The following CAMKK1 variants were observed in gnomAD, a reference collection of about 807,000 sequenced individuals.
The protein encoded by CAMKK1 is calcium/calmodulin dependent protein kinase kinase 1.
In CAMKK1, 20 loss-of-function variants were observed where a neutral mutation model predicts 63.5. That is an observed-to-expected ratio of 0.32 (90% CI 0.22 to 0.46). The LOEUF (loss-of-function observed/expected upper bound fraction) is 0.46, where lower values mean the gene tolerates loss of function less well. Ranked by LOEUF, CAMKK1 falls within the 20% of genes least tolerant of loss-of-function variation. The pLI, the probability that CAMKK1 is intolerant of heterozygous loss-of-function variation, is 1.00. For synonymous variants in CAMKK1, 253 were observed against 269.0 expected, an observed-to-expected ratio of 0.94 and a Z score of 0.58; for missense variants, 588 against 658.1, an observed-to-expected ratio of 0.89 and a Z score of 1.17.
chr17:3,880,257 G>T, intron 9 of CAMKK1, 89 bp downstream of exon 9: 1 of 1,104,834 alleles, frequency 9.1e-7, no homozygotes, highest in Non-Finnish European at 1.3e-6. Flanking sequence ...CTGACTGACG[G>T]GAGCTGCTCA....
chr17:3,873,937 C>T (rs1483354324), intron 10 of CAMKK1, among the ~76,000 whole-genome samples: 1 of 152,192 alleles, frequency 6.6e-6, no homozygotes, highest in Non-Finnish European at 1.5e-5. Context: ...CCTCATCCAC[C>T]GCCACTGCAA....
chr17:3,883,621 C>T lies in CAMKK1; in HGVS notation c.463-141G>A, dbSNP rs562850532. On this transcript the variant is annotated intron_variant, in intron 4 of 15. Coordinates refer to ENST00000348335, the MANE Select transcript of CAMKK1 (RefSeq NM_032294.3). This position sits in a 1 kb window ranked among gnomAD's most constrained non-coding sequence, Gnocchi z 4.7. ...GGGTGTGGCCCAGGTAAGTGTTAAG[C>T]GGGGTTGGGGGTGGCCATATCTGAG... 51 of 817,300 alleles carry T rather than the reference C, an allele frequency of 6.2e-5. No homozygotes were observed. The East Asian group carries it at 9.8e-4, about 16-fold the overall frequency. 50.6% of individuals were successfully genotyped at this position (817,300 alleles called of 1,614,324 possible). A position where few individuals can be genotyped will look rare whatever the true frequency, so the allele number is the denominator to read the frequency against.
chr17:3,871,100 GCTGGA>G, intron 12 of CAMKK1, among the ~76,000 whole-genome samples: 1 of 152,280 alleles, frequency 6.6e-6, no homozygotes, highest in Non-Finnish European at 1.5e-5. Flanking sequence ...GAATGTGTTG[GCTGGA>G]CTGGAGGGAG....
chr17:3,885,446 C>T lies in CAMKK1; in HGVS notation c.242G>A (p.Gly81Glu), dbSNP rs1567635371. The T allele has an allele frequency of 6.2e-7, 1 of 1,613,362 alleles. No individual in the cohort carries two copies. Among genetic ancestry groups the T allele is most frequent in the Non-Finnish European group, 8.5e-7 (1 of 1,179,988 alleles). The change falls in exon 2 of 16, where the codon GGA (glycine) becomes GAA (glutamate). Residue 81 changes from glycine (G) to glutamate (E), a missense_variant. Gly to Glu is a moderately conservative substitution (Grantham distance 98). This residue lies in a region of CAMKK1 where 357 missense variants were observed against 407.4 expected (regional missense o/e 0.88). Coordinates refer to ENST00000348335, the MANE Select transcript of CAMKK1 (RefSeq NM_032294.3). ...CCCAGCCTGCGCCTCCAGATAGCTTCCTGCTGGCCGCTCCTGTAGGGAAAG... is the reference window on the plus strand; with the variant it reads ...CCCAGCCTGCGCCTCCAGATAGCTTTCTGCTGGCCGCTCCTGTAGGGAAAG... ...RKLSLQERPA[G>E]SYLEAQAGPY...
chr17:3,871,656 T>TCCATTTCACTCCTGAAA (rs2054890002), intron 12 of CAMKK1, among the ~76,000 whole-genome samples: 2 of 148,750 alleles, frequency 1.3e-5, no homozygotes, highest in Non-Finnish European at 3.0e-5. Context: ...GCACCCGGCC[T>TCCATTTCACTCCTGAAA]TATTCAGTTT....
In CAMKK1 at chr17:3,862,103, C is replaced by T; in HGVS notation, c.*108G>A. On this transcript the variant is annotated 3_prime_UTR_variant, in exon 16 of 16. Transcript: ENST00000348335. This position sits in a 1 kb window ranked among gnomAD's most constrained non-coding sequence, Gnocchi z 4.1. ...CGATGGGGGAGGGGCGGGAGTGGGGCTGCAGTCCCCAGCCCCCTGCCTGCG... is the reference window on the plus strand; with the variant it reads ...CGATGGGGGAGGGGCGGGAGTGGGGTTGCAGTCCCCAGCCCCCTGCCTGCG... The T allele has an allele frequency of 1.2e-6, 1 of 837,672 alleles. No homozygotes were observed. 51.9% of individuals were successfully genotyped at this position (837,672 alleles called of 1,614,324 possible).
rs979204942 is a variant in CAMKK1 at position 3,879,576 on chromosome 17, G to C, written c.796+770C>G. 1.5e-4 allele frequency: 23 copies of C among 152,648 alleles called. No individual in the cohort carries two copies. The highest frequency in any genetic ancestry group is 5.3e-4 in the African/African-American group (22 of 41,528). The allele number at this position is 152,648 out of a possible 1,614,324, so 9.5% of individuals were successfully genotyped here. ...CCTCCTCTGCCCACTGGAGGCTTCA[G>C]CCAGACTCCACTTCTCCCCAGACTC... is the stretch of plus-strand genomic sequence containing the variant. On this transcript the variant is annotated intron_variant, in intron 9 of 15. Coordinates refer to ENST00000348335, the MANE Select transcript of CAMKK1 (RefSeq NM_032294.3). This position sits in a 1 kb window ranked among gnomAD's most constrained non-coding sequence, Gnocchi z 4.5.
intron 1 of CAMKK1, among the ~76,000 whole-genome samples, chr17:3,886,912 A>G (rs1479963704): frequency 6.6e-6 from 1 of 152,072 alleles, no homozygotes; most frequent in African/African-American, 2.4e-5. Flanking sequence ...GCATGTTCTC[A>G]GGAGAAGGAA....
At position 3,883,120 on chromosome 17, in the gene CAMKK1, C is replaced by T. The variant is rs1227054619; in HGVS notation, c.570G>A (p.Leu190=). 1.2e-6 allele frequency: 2 copies of T among 1,613,324 alleles called. No homozygotes were observed. Among genetic ancestry groups the T allele is most frequent in the Admixed American group, 1.7e-5 (1 of 60,002 alleles). The stretch of plus-strand genomic sequence containing the variant: ...CCTGGTACACCCGCTCCAGGGGCAG[C>T]AGCTGCTTGGCTGGTCCTCCCTGGG... The part of the protein sequence containing the change: ...QAAQGGPAKQ[L]LPLERVYQEI... The change falls in exon 6 of 16, where the codon CTG becomes CTA. Residue 190 remains leucine, a synonymous_variant. Coordinates refer to ENST00000348335, the MANE Select transcript of CAMKK1 (RefSeq NM_032294.3). This position sits in a 1 kb window ranked among gnomAD's most constrained non-coding sequence, Gnocchi z 4.7.
Position 3,890,242 on chromosome 17 carries a change from C to A in CAMKK1, c.-44+2697G>T, listed in dbSNP as rs185305451. Among the ~76,000 whole-genome samples the A allele has an allele frequency of 6.6e-6, 1 of 152,174 alleles. No individual in the cohort carries two copies. Among genetic ancestry groups the A allele is most frequent in the Non-Finnish European group, 1.5e-5 (1 of 68,024 alleles). Reference sequence around the variant, plus strand: ...TCAGTCCCCTTGAGGGAGGCCCAGGCGTCTGGTGCCAAGTCATGCTTGACG... The same window carrying A: ...TCAGTCCCCTTGAGGGAGGCCCAGGAGTCTGGTGCCAAGTCATGCTTGACG... On this transcript the variant is annotated intron_variant, in intron 1 of 15. Transcript: ENST00000348335. This position sits in a 1 kb window ranked among gnomAD's most constrained non-coding sequence, Gnocchi z 6.5.
At chr17:3,876,011 C>G (rs1007651478) in intron 10 of CAMKK1, among the ~76,000 whole-genome samples, 1 of 152,196 alleles carries the variant, frequency 6.6e-6, no homozygotes, top group African/African-American at 2.4e-5. Context: ...GAGCAACCAA[C>G]AGTAAATATC....
At chr17:3,872,356 T>C (rs1451885837) in intron 12 of CAMKK1, among the ~76,000 whole-genome samples, 198 bp downstream of exon 12, 3 of 152,102 alleles carry the variant, frequency 2.0e-5, no homozygotes, top group African/African-American at 4.8e-5. Flanking sequence ...AGGGTTCCCA[T>C]CCACACAGTG....
In CAMKK1 at chr17:3,891,027, T is replaced by C. The variant is rs557203924; in HGVS notation, c.-44+1912A>G. ...GATTTCCAACATGCAAATGTGGTTA[T>C]AGTTCTCCCAGACCTGGCCTTCCAG... On this transcript the variant is annotated intron_variant, in intron 1 of 15. Transcript: ENST00000348335. 2.0e-5 allele frequency among the ~76,000 whole-genome samples: 3 copies of C among 151,774 alleles called. No homozygotes were observed. The South Asian group carries it at 6.3e-4, about 32-fold the overall frequency.
Position 3,882,247 on chromosome 17 carries a change from C to T in CAMKK1, c.685+281G>A, listed in dbSNP as rs1347411209. ...TCTGGGAACCCATGCAGCCTGCTTC[C>T]TGCATCTACCTGAGCGCGCAGCCCA... On this transcript the variant is annotated intron_variant, in intron 7 of 15. Coordinates refer to ENST00000348335, the MANE Select transcript of CAMKK1 (RefSeq NM_032294.3). This position sits in a 1 kb window ranked among gnomAD's most constrained non-coding sequence, Gnocchi z 4.3. 6.3e-7 allele frequency: 1 copy of T among 1,597,144 alleles called. No homozygotes were observed. The highest frequency in any genetic ancestry group is 1.1e-5 in the South Asian group (1 of 89,614).
intron 1 of CAMKK1, among the ~76,000 whole-genome samples, chr17:3,891,114 G>C (rs934356879): frequency 6.6e-5 from 10 of 151,880 alleles, no homozygotes; most frequent in South Asian, 2.1e-4. Flanking sequence ...AAGGTTGGGG[G>C]GGGGGTCACA....
In CAMKK1 at chr17:3,884,317, G is replaced by T; in HGVS notation, c.408+63C>A. 1 of 1,554,158 alleles carries T rather than the reference G, an allele frequency of 6.4e-7. No homozygotes were observed. The highest frequency in any genetic ancestry group is 8.9e-7 in the Non-Finnish European group (1 of 1,126,436). On this transcript the variant is annotated intron_variant, in intron 3 of 15. Coordinates refer to ENST00000348335, the MANE Select transcript of CAMKK1 (RefSeq NM_032294.3). The surrounding 1 kb of genome is among the most constrained non-coding windows in gnomAD (Gnocchi z 4.5). The stretch of plus-strand genomic sequence containing the variant: ...GCCTCCCGTTCCCTCCCACACGAGA[G>T]AAGGAGCAGCGCCAAACAGAGAATC...
intron 15 of CAMKK1, among the ~76,000 whole-genome samples, chr17:3,864,778 T>C (rs1172362011): frequency 6.6e-6 from 1 of 152,008 alleles, no homozygotes; most frequent in African/African-American, 2.4e-5. Flanking sequence ...CCCACCTCAT[T>C]ATGAGGCTCT....
rs2055421912 is a variant in CAMKK1, at chr17:3,881,815, T to G, written c.686-167A>C. 8 of 650,464 alleles carry G rather than the reference T, an allele frequency of 1.2e-5. No homozygotes were observed. In the South Asian group the frequency reaches 1.4e-4, roughly 11 times the overall value. The allele number at this position is 650,464 out of a possible 1,614,324, so 40.3% of individuals were successfully genotyped here. On this transcript the variant is annotated intron_variant, in intron 7 of 15. Transcript: ENST00000348335. ...ATGAGAGCAAATAAATGCATGAGAG[T>G]GGGGTCTGCTATGGACCTGTCTCAT... is the stretch of plus-strand genomic sequence containing the variant.
rs1291497490 is a variant in CAMKK1, at chr17:3,861,577, G to A, written c.*634C>T. ...TGGGAACCACGGAAGATGTAGGAAA[G>A]CTCGTGAGATGTTCCCAAGCAGGGC... On this transcript the variant is annotated 3_prime_UTR_variant, in exon 16 of 16. Transcript: ENST00000348335. 6.5e-6 allele frequency: 1 copy of A among 153,336 alleles called. No individual in the cohort carries two copies. Among genetic ancestry groups the A allele is most frequent in the African/African-American group, 2.4e-5 (1 of 41,478 alleles). The allele number at this position is 153,336 out of a possible 1,614,324, so 9.5% of individuals were successfully genotyped here.
Sources: gnomAD v4.1 joint callset for allele counts (sites outside exome capture counted in the v4.1 genomes callset) on GRCh38, gnomAD v4.1.1 for gene constraint, gnomAD v4.1.1 regional missense constraint, Gnocchi (gnomAD v3.1) non-coding constraint, MANE v1.5 for transcripts, NCBI Gene and HGNC (gene_info 2026-07-23, HGNC 2026-07-21) for gene names.